Variants in EXOC4 observed in about 807,000 individuals in gnomAD.
The protein encoded by EXOC4 is SEC8-like 1.
In EXOC4, 71 loss-of-function variants were observed where a neutral mutation model predicts 107.2. The ratio of observed to expected loss-of-function variants is 0.66; its 90% confidence interval spans 0.55 to 0.81. The LOEUF (loss-of-function observed/expected upper bound fraction) is 0.81, where lower values mean the gene tolerates loss of function less well. Among genes scored for constraint, EXOC4 ranks in the 30% least tolerant of loss-of-function variants. EXOC4 has a pLI of 0.00. For missense variants in EXOC4, 1,108 were observed against 1,189.6 expected, an observed-to-expected ratio of 0.93 and a Z score of 1.01; for synonymous variants, 456 against 441.2, an observed-to-expected ratio of 1.03 and a Z score of -0.42.
At chr7:134,046,029 C>G (rs1260051098) in intron 17 of EXOC4, among the ~76,000 whole-genome samples, 1 of 152,110 alleles carries the variant, frequency 6.6e-6, no homozygotes, top group African/African-American at 2.4e-5. Flanking sequence ...TTTTCATTTC[C>G]TTTTTCTGTA....
In EXOC4 at chr7:133,253,204, G is replaced by A. The variant is rs780365232; in HGVS notation, c.86+17G>A. 3.7e-6 allele frequency: 6 copies of A among 1,612,576 alleles called. No individual in the cohort carries two copies. Among genetic ancestry groups the A allele is most frequent in the Non-Finnish European group, 5.1e-6 (6 of 1,178,804 alleles). ...TGTGATCAGGTGAGGGAGGCAGGAG[G>A]CAGGGTCTGGGGACTGGGGGCAGCG... On this transcript the variant is annotated intron_variant, in intron 1 of 17. Coordinates refer to ENST00000253861, the MANE Select transcript of EXOC4 (RefSeq NM_021807.4).
At chr7:133,301,590 A>G (rs998123171) in intron 3 of EXOC4, among the ~76,000 whole-genome samples, 8 of 152,196 alleles carry the variant, frequency 5.3e-5, no homozygotes, top group Non-Finnish European at 1.2e-4. Flanking sequence ...ATGGCAATAC[A>G]TTTGCTTTCC....
chr7:133,373,223 G>A (rs904865744), intron 6 of EXOC4, among the ~76,000 whole-genome samples: 1 of 152,148 alleles, frequency 6.6e-6, no homozygotes. Context: ...TCTGTATTTT[G>A]TATGTATCTT....
chr7:133,463,396 A>G (rs2035440115), intron 7 of EXOC4, among the ~76,000 whole-genome samples: 1 of 152,138 alleles, frequency 6.6e-6, no homozygotes, highest in Admixed American at 6.5e-5. Context: ...CATCTGCTGC[A>G]TTGTTTTGAC....
intron 13 of EXOC4, among the ~76,000 whole-genome samples, chr7:133,929,862 C>A (rs1800137880): frequency 6.6e-6 from 1 of 152,146 alleles, no homozygotes; most frequent in Non-Finnish European, 1.5e-5. Context: ...CTCATCCCTT[C>A]TCTTCTCTAT....
chr7:133,682,696 A>G (rs1794213177), intron 10 of EXOC4, among the ~76,000 whole-genome samples: 1 of 152,176 alleles, frequency 6.6e-6, no homozygotes, highest in African/African-American at 2.4e-5. Flanking sequence ...TTCTTAAGCC[A>G]CCTTTCTCAT....
chr7:133,284,130 C>T (rs924137814), intron 2 of EXOC4, among the ~76,000 whole-genome samples: 5 of 152,268 alleles, frequency 3.3e-5, no homozygotes, highest in East Asian at 3.9e-4. Flanking sequence ...AATTCTATTT[C>T]GCTTTTCCTT....
intron 17 of EXOC4, among the ~76,000 whole-genome samples, chr7:134,024,561 A>G (rs1272158611): frequency 6.6e-6 from 1 of 152,172 alleles, no homozygotes; most frequent in East Asian, 1.9e-4. Context: ...CAGTCATTTT[A>G]AAAGAAAAAG....
intron 14 of EXOC4, among the ~76,000 whole-genome samples, chr7:133,983,323 A>G (rs182241447): frequency 5.3e-5 from 8 of 152,332 alleles, no homozygotes; most frequent in Non-Finnish European, 8.8e-5. Context: ...AACTATATCA[A>G]GAAGGTAATG....
chr7:133,642,806 T>C (rs989509478), intron 10 of EXOC4, among the ~76,000 whole-genome samples: 1 of 152,182 alleles, frequency 6.6e-6, no homozygotes, highest in Non-Finnish European at 1.5e-5. Context: ...CTTGTACACT[T>C]CAAAGCCACG....
At chr7:133,878,321 C>T (rs1003587258) in intron 11 of EXOC4, among the ~76,000 whole-genome samples, 1 of 152,124 alleles carries the variant, frequency 6.6e-6, no homozygotes, top group African/African-American at 2.4e-5. Flanking sequence ...CTCTTTAATC[C>T]CTAACAGTCA....
rs71892513 is a variant in EXOC4, at chr7:133,698,574, C to CAAAA, written c.1514+68444_1514+68447dup. ...TCCAGCACAGACACCAGAGTGGTGT[C>CAAAA]AAAAAAAAAAAAAATATAGAAGATG... is the stretch of plus-strand genomic sequence containing the variant. On this transcript the variant is annotated intron_variant, in intron 10 of 17. Transcript: ENST00000253861. 3.1e-3 allele frequency among the ~76,000 whole-genome samples: 439 copies of CAAAA among 143,506 alleles called. 5 individuals carry two copies. Among genetic ancestry groups the CAAAA allele is most frequent in the Non-Finnish European group, 4.2e-3 (278 of 66,230 alleles). The allele number at this position is 143,506 out of a possible 152,430, so 94.1% of individuals were successfully genotyped here.
intron 11 of EXOC4, among the ~76,000 whole-genome samples, chr7:133,857,366 T>TATATATA (rs1798437702): frequency 3.9e-4 from 30 of 76,930 alleles, no homozygotes; most frequent in Non-Finnish European, 5.0e-4. Context: ...TATATATATA[T>TATATATA]TTTACCTCTA....
At chr7:133,826,758 A>G (rs1797712286) in intron 11 of EXOC4, among the ~76,000 whole-genome samples, 1 of 152,212 alleles carries the variant, frequency 6.6e-6, no homozygotes, top group Non-Finnish European at 1.5e-5. Flanking sequence ...TTTGTTTCAT[A>G]TATGATTAGA....
chr7:133,604,282 A>G (rs568059745), intron 9 of EXOC4, among the ~76,000 whole-genome samples: 1 of 152,364 alleles, frequency 6.6e-6, no homozygotes, highest in East Asian at 1.9e-4. Context: ...AAATAATGAT[A>G]AAAGTGTAGT....
chr7:133,280,589 A>G (rs1584773859), intron 2 of EXOC4, among the ~76,000 whole-genome samples: 2 of 152,252 alleles, frequency 1.3e-5, no homozygotes, highest in Non-Finnish European at 2.9e-5. Flanking sequence ...CCCAATTTTG[A>G]CCACCCTATT....
intron 10 of EXOC4, among the ~76,000 whole-genome samples, chr7:133,696,796 A>T (rs1794544644): frequency 6.6e-6 from 1 of 152,200 alleles, no homozygotes; most frequent in Non-Finnish European, 1.5e-5. Flanking sequence ...TTGTTTACAC[A>T]TCAGCCTCTC....
intron 4 of EXOC4, 70 bp from the exon 5 acceptor site, chr7:133,317,214 T>G: frequency 2.0e-6 from 2 of 1,017,914 alleles, no homozygotes; most frequent in Non-Finnish European, 3.1e-6. Flanking sequence ...GTGGTAAGGG[T>G]GGGGCTGTAG....
At chr7:133,435,214 A>G (rs906130712) in intron 7 of EXOC4, among the ~76,000 whole-genome samples, 21 of 152,068 alleles carry the variant, frequency 1.4e-4, no homozygotes, top group Non-Finnish European at 4.4e-5. Context: ...ATGTATTGTG[A>G]TACGTCAGAG....
Sources: gnomAD v4.1 joint callset for allele counts (sites outside exome capture counted in the v4.1 genomes callset) on GRCh38, gnomAD v4.1.1 for gene constraint, MANE v1.5 for transcripts, NCBI Gene and HGNC (gene_info 2026-07-23, HGNC 2026-07-21) for gene names.